Variants in FRMPD3 observed in about 807,000 individuals in gnomAD.
FRMPD3 encodes the protein FERM and PDZ domain containing 3.
In FRMPD3, 42 loss-of-function variants were observed where a neutral mutation model predicts 97.9. The ratio of observed to expected loss-of-function variants is 0.43; its 90% confidence interval spans 0.34 to 0.55. The LOEUF (loss-of-function observed/expected upper bound fraction) is 0.55. Among genes scored for constraint, FRMPD3 ranks in the 20% least tolerant of loss-of-function variants. FRMPD3 has a pLI of 0.03. For missense variants in FRMPD3, 1,303 were observed against 1,457.7 expected (o/e 0.89, Z 1.73); for synonymous variants, 577 against 581.1 (o/e 0.99, Z 0.10).
rs1924223000 is a variant in FRMPD3, at chrX:107,597,385, T to C, written c.1506T>C (p.Tyr502=). ...ACCTGGGGAAAAAGGAGAGTAGTTA[T>C]GTGGGCAGCGTGGGCACCAGCCCCA... is the stretch of plus-strand genomic sequence containing the variant. The part of the protein sequence containing the change: ...GGHLGKKESS[Y]VGSVGTSPRK... The change falls in exon 14 of 15, where the codon TAT becomes TAC. Residue 502 remains tyrosine, a synonymous_variant. Coordinates refer to ENST00000683843, the MANE Select transcript of FRMPD3 (RefSeq NM_001388459.1). The C allele has an allele frequency of 8.3e-7, 1 of 1,208,809 alleles. No individual in the cohort carries two copies. The highest frequency in any genetic ancestry group is 1.8e-5 in the African/African-American group (1 of 57,137).
chrX:107,545,615 T>G (rs1209530853), intron 4 of FRMPD3, 122 bp from the exon 5 acceptor site: 5 of 488,389 alleles, frequency 1.0e-5, no homozygotes, highest in Non-Finnish European at 1.7e-5. Flanking sequence ...TAATATTTGT[T>G]TATTGACTCC....
At chrX:107,482,168 A>C (rs1172212030) in intron 1 of FRMPD3, among the ~76,000 whole-genome samples, 5 of 110,789 alleles carry the variant, frequency 4.5e-5, no homozygotes, top group African/African-American at 1.6e-4. Context: ...CCAGTCTTGG[A>C]AAAGGCTTTC....
rs1924285695 is a variant in FRMPD3, at chrX:107,597,943, C to G, written c.2064C>G (p.Val688=). ...AGGATGACCCCAAGCGCCGGGCTGTCCAGAGCCAGGAACAAGGACGCCACC... is the reference window on the plus strand; with the variant it reads ...AGGATGACCCCAAGCGCCGGGCTGTGCAGAGCCAGGAACAAGGACGCCACC... The part of the protein sequence containing the change: ...SDEDDPKRRA[V]QSQEQGRHLR... Residue 688 remains valine, a synonymous_variant, in exon 14 of 15, where the codon GTC becomes GTG. Coordinates refer to ENST00000683843, the MANE Select transcript of FRMPD3 (RefSeq NM_001388459.1). The G allele has an allele frequency of 8.3e-7, 1 of 1,208,769 alleles. No individual in the cohort carries two copies. Among genetic ancestry groups the G allele is most frequent in the Non-Finnish European group, 1.1e-6 (1 of 895,073 alleles).
Position 107,522,503 on chromosome X carries a change from G to A in FRMPD3, c.-7-4079G>A, listed in dbSNP as rs759082971. On this transcript the variant is annotated intron_variant, in intron 1 of 14. Coordinates refer to ENST00000683843, the MANE Select transcript of FRMPD3 (RefSeq NM_001388459.1). ...AGGACCGTGAGTGGGAGCAGGTAGG[G>A]GGTGCTGCAATTGTGGGTCCTAGCA... 23 of 537,642 alleles carry A rather than the reference G, an allele frequency of 4.3e-5. No individual in the cohort carries two copies. In the East Asian group the frequency reaches 7.3e-4, roughly 17 times the overall value. The allele number at this position is 537,642 out of a possible 1,213,427, so 44.3% of individuals were successfully genotyped here.
rs1415127401 is a variant in FRMPD3, at chrX:107,497,711, A to G, written c.-7-28871A>G. ...CTACAGTGTCTCCAAGAACTTAAAA[A>G]TCCTTGAATTCTTACAACCAGAATG... is the stretch of plus-strand genomic sequence containing the variant. On this transcript the variant is annotated intron_variant, in intron 1 of 14. Coordinates refer to ENST00000683843, the MANE Select transcript of FRMPD3 (RefSeq NM_001388459.1). 2.7e-5 allele frequency among the ~76,000 whole-genome samples: 3 copies of G among 112,368 alleles called. No individual in the cohort carries two copies. The East Asian group carries it at 8.3e-4, about 31-fold the overall frequency.
intron 5 of FRMPD3, among the ~76,000 whole-genome samples, chrX:107,549,102 A>C (rs147950874): frequency 0.036 from 3,987 of 110,741 alleles, 178 homozygotes; most frequent in African/African-American, 0.12. Context: ...TTATTTAATG[A>C]ATTTTTATTA....
At chrX:107,565,121 G>A in intron 12 of FRMPD3, 55 bp downstream of exon 12, 2 of 1,038,081 alleles carry the variant, frequency 1.9e-6, no homozygotes, top group East Asian at 6.4e-5. Context: ...TGGGAATAGA[G>A]GAAGAAGTAA....
intron 13 of FRMPD3, among the ~76,000 whole-genome samples, chrX:107,577,162 T>TAAAAA (rs1170985688): frequency 3.1e-5 from 1 of 32,069 alleles, no homozygotes; most frequent in Non-Finnish European, 6.2e-5. Context: ...CTGTCTCTAC[T>TAAAAA]AAAAAAAAAA....
intron 12 of FRMPD3, among the ~76,000 whole-genome samples, chrX:107,575,595 C>T (rs781670619): frequency 1.3e-3 from 149 of 111,366 alleles, no homozygotes; most frequent in African/African-American, 4.3e-3. Flanking sequence ...GGATTACTGG[C>T]GCCTGCCACC....
intron 12 of FRMPD3, among the ~76,000 whole-genome samples, chrX:107,573,049 CT>C (rs765350280): frequency 3.6e-5 from 4 of 111,313 alleles, no homozygotes; most frequent in Non-Finnish European, 7.5e-5. Flanking sequence ...GTATCCCAAC[CT>C]TTTCCATATC....
rs760375942 is a variant in FRMPD3, at chrX:107,572,905, C to A, written c.1297-3410C>A. Among the ~76,000 whole-genome samples the A allele has an allele frequency of 4.8e-3, 487 of 101,591 alleles. 1 individual carries two copies. Among genetic ancestry groups the A allele is most frequent in the South Asian group, 9.4e-3 (21 of 2,233 alleles). The allele number at this position is 101,591 out of a possible 115,157, so 88.2% of individuals were successfully genotyped here. A position where few individuals can be genotyped will look rare whatever the true frequency, so the allele number is the denominator to read the frequency against. ...ACTACTACTACTACTACTACTACTA[C>A]TACTAATAATAATAATAATAATAAA... On this transcript the variant is annotated intron_variant, in intron 12 of 14. Coordinates refer to ENST00000683843, the MANE Select transcript of FRMPD3 (RefSeq NM_001388459.1).
intron 8 of FRMPD3, among the ~76,000 whole-genome samples, chrX:107,557,314 G>A (rs951816363): frequency 1.5e-4 from 16 of 109,919 alleles, no homozygotes; most frequent in African/African-American, 5.3e-4. Flanking sequence ...TTTTTATTGG[G>A]TTGTTTTCTT....
chrX:107,525,795 G>C, intron 1 of FRMPD3: 3 of 455,832 alleles, frequency 6.6e-6, no homozygotes. Context: ...ATCAAGATGA[G>C]CCAGGCATGG....
intron 1 of FRMPD3, among the ~76,000 whole-genome samples, chrX:107,461,661 T>C (rs1214777143): frequency 1.8e-5 from 2 of 110,770 alleles, no homozygotes; most frequent in Non-Finnish European, 3.8e-5. Flanking sequence ...CAGTCCCTGC[T>C]CAAGAACCTA....
intron 1 of FRMPD3, among the ~76,000 whole-genome samples, chrX:107,489,664 G>A (rs1921604025): frequency 2.7e-5 from 3 of 111,875 alleles, no homozygotes; most frequent in South Asian, 7.5e-4. Flanking sequence ...CATATCCTTT[G>A]CCCACTTTTT....
At chrX:107,588,612 C>T (rs1242569965) in intron 13 of FRMPD3, among the ~76,000 whole-genome samples, 2 of 111,362 alleles carry the variant, frequency 1.8e-5, no homozygotes, top group Non-Finnish European at 3.8e-5. Flanking sequence ...CCTGAATTTG[C>T]GTGTTGGTCT....
At chrX:107,590,618 T>C (rs1173572934) in intron 13 of FRMPD3, among the ~76,000 whole-genome samples, 1 of 113,141 alleles carries the variant, frequency 8.8e-6, no homozygotes, top group East Asian at 2.8e-4. Context: ...CTCTAGTCTA[T>C]TTACATGGTG....
At chrX:107,588,149 A>G (rs961966409) in intron 13 of FRMPD3, among the ~76,000 whole-genome samples, 1 of 111,403 alleles carries the variant, frequency 9.0e-6, no homozygotes, top group Non-Finnish European at 1.9e-5. Context: ...TTCCCTTTGT[A>G]GGTGACCTGG....
chrX:107,598,160 C>T lies in FRMPD3; in HGVS notation c.2263+18C>T. 1 of 1,159,934 alleles carries T rather than the reference C, an allele frequency of 8.6e-7. No individual in the cohort carries two copies. Among genetic ancestry groups the T allele is most frequent in the Non-Finnish European group, 1.2e-6 (1 of 856,093 alleles). On this transcript the variant is annotated intron_variant, in intron 14 of 14. Transcript: ENST00000683843. ...GACTGCAGGTAATGACCGATTCCTT[C>T]TCCCTCTTTCCACCCCCTTCTCTTG...
Sources: allele counts gnomAD v4.1 joint callset (sites outside exome capture counted in the v4.1 genomes callset), GRCh38; gene constraint gnomAD v4.1.1; transcripts MANE v1.5; gene names NCBI Gene and HGNC (gene_info 2026-07-23, HGNC 2026-07-21).